Variants in LARS2 observed in about 807,000 individuals in gnomAD.
The protein encoded by LARS2 is leucine--tRNA ligase, mitochondrial.
A neutral mutation model predicts 116.6 loss-of-function variants in LARS2; 81 were observed. The observed-to-expected ratio is 0.69, with a 90% CI of 0.58 to 0.84. LARS2 has a LOEUF of 0.84. Among genes scored for constraint, LARS2 ranks in the 40% least tolerant of loss-of-function variants. The probability of loss-of-function intolerance (pLI) is 0.00; values close to 1 mark genes in which losing one functional copy is unlikely to be tolerated. For synonymous variants in LARS2, 396 were observed against 407.2 expected, an observed-to-expected ratio of 0.97 and a Z score of 0.33; for missense variants, 968 against 1,114.5, an observed-to-expected ratio of 0.87 and a Z score of 1.87.
intron 21 of LARS2, among the ~76,000 whole-genome samples, chr3:45,543,857 G>A (rs1700834852): frequency 6.6e-6 from 1 of 152,176 alleles, no homozygotes; most frequent in Non-Finnish European, 1.5e-5. Context: ...GTTGAGAAAT[G>A]CTAACTTAAG....
intron 6 of LARS2, among the ~76,000 whole-genome samples, chr3:45,422,836 T>G (rs910948314): frequency 6.6e-6 from 1 of 152,174 alleles, no homozygotes; most frequent in African/African-American, 2.4e-5. Context: ...ACATCATTTA[T>G]AGATACAATT....
rs146708694 is a variant in LARS2 at position 45,459,934 on chromosome 3, G to T, written c.750+1048G>T. Among the ~76,000 whole-genome samples the T allele has an allele frequency of 7.2e-5, 11 of 152,308 alleles. No individual in the cohort carries two copies. The East Asian group carries it at 1.9e-3, about 27-fold the overall frequency. Reference sequence around the variant, plus strand: ...TAGTTGTCCCCTTCCATGGTGGCCTGTGAGTTGATTTGTGAGTATCAACTG... The same window carrying T: ...TAGTTGTCCCCTTCCATGGTGGCCTTTGAGTTGATTTGTGAGTATCAACTG... On this transcript the variant is annotated intron_variant, in intron 8 of 21. Coordinates refer to ENST00000645846, the MANE Select transcript of LARS2 (RefSeq NM_015340.4).
intron 20 of LARS2, among the ~76,000 whole-genome samples, chr3:45,531,414 G>T (rs1182312052): frequency 6.6e-6 from 1 of 152,048 alleles, no homozygotes; most frequent in African/African-American, 2.4e-5. Flanking sequence ...GTCTCACTCT[G>T]TTGTCCAGGC....
At chr3:45,410,009 C>T (rs1273023412) in intron 4 of LARS2, among the ~76,000 whole-genome samples, 1 of 152,116 alleles carries the variant, frequency 6.6e-6, no homozygotes, top group Non-Finnish European at 1.5e-5. Flanking sequence ...TTATGTAAAT[C>T]TAGGCTGGTT....
chr3:45,472,015 A>G (rs1035361056), intron 8 of LARS2, among the ~76,000 whole-genome samples: 3 of 152,196 alleles, frequency 2.0e-5, no homozygotes, highest in Non-Finnish European at 2.9e-5. Flanking sequence ...TAGTTAGGCA[A>G]CTTGGTTGCA....
intron 8 of LARS2, among the ~76,000 whole-genome samples, chr3:45,463,653 T>C (rs1699372388): frequency 6.6e-6 from 1 of 152,094 alleles, no homozygotes; most frequent in African/African-American, 2.4e-5. Context: ...CTCCTCCTTC[T>C]CTGTGGTCTG....
At chr3:45,408,374 C>T (rs955902128) in intron 4 of LARS2, among the ~76,000 whole-genome samples, 2 of 152,254 alleles carry the variant, frequency 1.3e-5, no homozygotes, top group African/African-American at 4.8e-5. Context: ...TCCATGGTAA[C>T]AGCTGGCCCC....
At chr3:45,444,715 ACT>A (rs1313630512) in intron 6 of LARS2, among the ~76,000 whole-genome samples, 4 of 146,762 alleles carry the variant, frequency 2.7e-5, no homozygotes, top group African/African-American at 9.9e-5. Context: ...TGTAATTTTT[ACT>A]CTCACTCTAG....
intron 4 of LARS2, 104 bp from the exon 5 acceptor site, chr3:45,417,378 A>G (rs13067810): frequency 1.2e-6 from 1 of 846,676 alleles, no homozygotes. Context: ...CCAGCAAAAG[A>G]TAAGGCATGT....
chr3:45,475,131 G>A (rs754578065), intron 9 of LARS2, among the ~76,000 whole-genome samples: 3 of 151,978 alleles, frequency 2.0e-5, no homozygotes, highest in African/African-American at 7.3e-5. Context: ...TTCATTTAGC[G>A]TCAAACCTGC....
At chr3:45,452,686 TA>T (rs1376624471) in intron 7 of LARS2, among the ~76,000 whole-genome samples, 1 of 152,168 alleles carries the variant, frequency 6.6e-6, no homozygotes, top group Non-Finnish European at 1.5e-5. Context: ...GATATCAGGG[TA>T]ATGCTGGCTT....
At chr3:45,535,412 G>A (rs1267999096) in intron 20 of LARS2, among the ~76,000 whole-genome samples, 3 of 151,486 alleles carry the variant, frequency 2.0e-5, no homozygotes, top group African/African-American at 7.3e-5. Context: ...ACCAAACAGC[G>A]AGCTCCTTGG....
chr3:45,483,073 A>T (rs564894097), intron 10 of LARS2, among the ~76,000 whole-genome samples: 4 of 152,212 alleles, frequency 2.6e-5, no homozygotes, highest in Non-Finnish European at 4.4e-5. Flanking sequence ...TTAGCTAAAC[A>T]CACTAGCCAT....
chr3:45,474,175 C>A (rs556606842), intron 8 of LARS2, 68 bp from the exon 9 acceptor site: 2 of 972,980 alleles, frequency 2.1e-6, no homozygotes, highest in East Asian at 2.5e-5. Flanking sequence ...TAACAAGCTG[C>A]AAATCATTTG....
chr3:45,541,262 C>T (rs1700791726), intron 20 of LARS2, among the ~76,000 whole-genome samples: 1 of 152,044 alleles, frequency 6.6e-6, no homozygotes, highest in African/African-American at 2.4e-5. Context: ...GTTTGGCCCA[C>T]CCTGAGCCAA....
intron 8 of LARS2, among the ~76,000 whole-genome samples, chr3:45,471,040 TAAAAAAAA>T (rs55749404): frequency 9.1e-5 from 4 of 43,818 alleles, no homozygotes; most frequent in Admixed American, 2.9e-4. Flanking sequence ...ATTACAACAC[TAAAAAAAA>T]AAAAAAAAAA....
At chr3:45,436,767 G>A (rs189470718) in intron 6 of LARS2, among the ~76,000 whole-genome samples, 1 of 142,532 alleles carries the variant, frequency 7.0e-6, no homozygotes, top group African/African-American at 2.6e-5. Flanking sequence ...GCAGTCCGCA[G>A]TCCGGCCTGG....
rs373579441 is a variant in LARS2 at position 45,488,670 on chromosome 3, T to C, written c.1124-27T>C. On this transcript the variant is annotated intron_variant, in intron 11 of 21. Coordinates refer to ENST00000645846, the MANE Select transcript of LARS2 (RefSeq NM_015340.4). ...GTGATTTGGGCACTTGTGAAGGAAA[T>C]GTTTTCTTTTCTTCTCCTCTGAATA... is the stretch of plus-strand genomic sequence containing the variant. 5.7e-6 allele frequency: 8 copies of C among 1,398,286 alleles called. No individual in the cohort carries two copies. The African/African-American group carries it at 9.9e-5, about 17-fold the overall frequency. 86.6% of individuals were successfully genotyped at this position (1,398,286 alleles called of 1,614,324 possible). A position where few individuals can be genotyped will look rare whatever the true frequency, so the allele number is the denominator to read the frequency against.
At chr3:45,402,269 A>G (rs1299690433) in intron 4 of LARS2, among the ~76,000 whole-genome samples, 1 of 152,250 alleles carries the variant, frequency 6.6e-6, no homozygotes, top group Non-Finnish European at 1.5e-5. Flanking sequence ...AGTATTAGCA[A>G]TTGCCAGCAG....
Sources: gnomAD v4.1 joint callset for allele counts (sites outside exome capture counted in the v4.1 genomes callset) on GRCh38, gnomAD v4.1.1 for gene constraint, MANE v1.5 for transcripts, NCBI Gene and HGNC (gene_info 2026-07-23, HGNC 2026-07-21) for gene names.